The following ANK2 variants were observed in gnomAD, a reference collection of about 807,000 sequenced individuals.
ANK2 encodes the protein ankyrin-2.
ANK2 carries 83 observed loss-of-function variants against 360.5 expected under a neutral mutation model. That is an observed-to-expected ratio of 0.23 (90% confidence interval 0.19 to 0.28). The LOEUF (loss-of-function observed/expected upper bound fraction) is 0.28, where lower values mean the gene tolerates loss of function less well. Among genes scored for constraint, ANK2 ranks in the 10% least tolerant of loss-of-function variants. The probability of loss-of-function intolerance (pLI) is 1.00; values close to 1 mark genes in which losing one functional copy is unlikely to be tolerated. For synonymous variants in ANK2, 1,740 were observed against 1,759.5 expected (o/e 0.99, Z 0.28); for missense variants, 4,201 against 4,795.7 (o/e 0.88, Z 3.66).
intron 10 of ANK2, among the ~76,000 whole-genome samples, chr4:113,250,382 A>G (rs1390058935): frequency 1.3e-5 from 2 of 152,196 alleles, no homozygotes; most frequent in African/African-American, 4.8e-5. Flanking sequence ...GCAATAGGCC[A>G]CCTACAAAGA....
chr4:113,221,658 CAA>C (rs60808406), intron 4 of ANK2, among the ~76,000 whole-genome samples: 1,369 of 127,770 alleles, frequency 0.011, 18 homozygotes, highest in African/African-American at 0.038. Flanking sequence ...GACTCCACTT[CAA>C]AAAAAAAAAA....
At position 113,094,538 on chromosome 4, in the gene ANK2, G is replaced by GTT. The variant is rs70958501; in HGVS notation, c.84+44726_84+44727insTT. ...AGCACGTGTGTGTGTGTGTGTGTGT[G>GTT]CATGCATGTGTGTGCGCGTGTGTGT... On this transcript the variant is annotated intron_variant, in intron 1 of 45. Coordinates refer to ENST00000357077, the MANE Select transcript of ANK2 (RefSeq NM_001148.6). 7.4e-4 allele frequency among the ~76,000 whole-genome samples: 112 copies of GTT among 151,388 alleles called. 1 individual carries two copies. The East Asian group carries it at 0.022, about 29-fold the overall frequency.
intron 45 of ANK2, 151 bp downstream of exon 45, chr4:113,373,600 C>A: frequency 2.3e-6 from 2 of 860,604 alleles, no homozygotes; most frequent in Non-Finnish European, 2.0e-6. Flanking sequence ...TTTTTGTTTT[C>A]ATGATTCTAT....
At chr4:112,991,312 A>G (rs1240493172) in intron 2 of ANK2, among the ~76,000 whole-genome samples, 1 of 151,472 alleles carries the variant, frequency 6.6e-6, no homozygotes, top group Non-Finnish European at 1.5e-5. Flanking sequence ...ACCCTGTAGC[A>G]CTCATTTGCT....
chr4:113,367,103 C>T (rs1470413929), intron 41 of ANK2, among the ~76,000 whole-genome samples: 1 of 152,138 alleles, frequency 6.6e-6, no homozygotes, highest in Admixed American at 6.5e-5. Flanking sequence ...TTAATACTTG[C>T]AGTGCACTTG....
chr4:113,220,168 A>C (rs2099134203), intron 4 of ANK2, among the ~76,000 whole-genome samples: 1 of 152,216 alleles, frequency 6.6e-6, no homozygotes, highest in South Asian at 2.1e-4. Context: ...TGTCTGTCCT[A>C]GCTTTCCAAA....
At chr4:113,304,400 GTGTAA>G (rs1279947445) in intron 23 of ANK2, among the ~76,000 whole-genome samples, 1 of 152,170 alleles carries the variant, frequency 6.6e-6, no homozygotes, top group Non-Finnish European at 1.5e-5. Context: ...GAAATAGCAT[GTGTAA>G]TATGAGTGGA....
At chr4:112,793,006 A>G in the ANK2 span, among the ~76,000 whole-genome samples, 1 of 152,170 alleles carries the variant, frequency 6.6e-6, no homozygotes, top group Non-Finnish European at 1.5e-5. Flanking sequence ...TTTGGATAAT[A>G]TAAACTTACA....
At chr4:112,754,110 AGTATATATAT>A in the ANK2 span, among the ~76,000 whole-genome samples, 786 of 63,470 alleles carry the variant, frequency 0.012, 13 homozygotes, top group African/African-American at 0.058. Flanking sequence ...AAAAAAAAAA[AGTATATATAT>A]ATATATATAT....
chr4:112,925,085 G>A (rs2092350370), intron 2 of ANK2, among the ~76,000 whole-genome samples: 1 of 151,968 alleles, frequency 6.6e-6, no homozygotes, highest in Non-Finnish European at 1.5e-5. Context: ...TGATCTATCC[G>A]CCTCGGCCTT....
chr4:113,104,107 T>C (rs1299417484), intron 1 of ANK2, among the ~76,000 whole-genome samples: 3 of 152,164 alleles, frequency 2.0e-5, no homozygotes, highest in African/African-American at 4.8e-5. Context: ...TTGTTGTTCT[T>C]TTCAGTGGTG....
chr4:113,236,355 A>G (rs528249963), intron 5 of ANK2, among the ~76,000 whole-genome samples: 9 of 152,190 alleles, frequency 5.9e-5, no homozygotes, highest in Non-Finnish European at 1.3e-4. Flanking sequence ...GTTTTTCTAC[A>G]TTACCTAGCA....
At chr4:112,794,731 A>G in the ANK2 span, among the ~76,000 whole-genome samples, 1 of 152,310 alleles carries the variant, frequency 6.6e-6, no homozygotes. Context: ...TTAACAGGGA[A>G]TCAGTATTAA....
At chr4:112,737,296 A>G in the ANK2 span, among the ~76,000 whole-genome samples, 2 of 152,352 alleles carry the variant, frequency 1.3e-5, no homozygotes, top group African/African-American at 4.8e-5. Context: ...AGACTATTGT[A>G]TGTCCAGGAA....
At chr4:113,262,770 G>A (rs951861681) in intron 13 of ANK2, among the ~76,000 whole-genome samples, 1 of 150,516 alleles carries the variant, frequency 6.6e-6, no homozygotes, top group Non-Finnish European at 1.5e-5. Flanking sequence ...ATGTGCATAG[G>A]TTACTTGCAA....
chr4:113,369,424 A>T (rs1291156426), intron 42 of ANK2, 90 bp from the exon 43 acceptor site: 2 of 1,398,906 alleles, frequency 1.4e-6, no homozygotes. Flanking sequence ...CTATGGAAAA[A>T]CCAGCTCCAT....
intron 2 of ANK2, among the ~76,000 whole-genome samples, chr4:113,041,243 G>A (rs1024276785): frequency 1.4e-4 from 22 of 151,922 alleles, no homozygotes; most frequent in African/African-American, 1.2e-4. Context: ...TCTAAATCCC[G>A]AATCCTTAAC....
rs28433959 is a variant in ANK2, at chr4:113,336,981, T to A, written c.3796+200T>A. 0.15 allele frequency among the ~76,000 whole-genome samples: 22,828 copies of A among 152,212 alleles called. 3,465 individuals are homozygous for A. The highest frequency in any genetic ancestry group is 0.39 in the African/African-American group (16,238 of 41,466). ...AAATGAAGTCTGTATGCCAAACTGT[T>A]AGATAGTTTATATGCGTTGTCATTC... On this transcript the variant is annotated intron_variant, in intron 31 of 45. Transcript: ENST00000357077.
At chr4:113,004,798 A>G (rs919337197) in intron 2 of ANK2, among the ~76,000 whole-genome samples, 1 of 152,208 alleles carries the variant, frequency 6.6e-6, no homozygotes, top group African/African-American at 2.4e-5. Context: ...ACACATGAGT[A>G]ATGTGCTGTG....
Sources: allele counts gnomAD v4.1 joint callset (sites outside exome capture counted in the v4.1 genomes callset), GRCh38; gene constraint gnomAD v4.1.1; transcripts MANE v1.5; gene names NCBI Gene and HGNC (gene_info 2026-07-23, HGNC 2026-07-21).